Variants in MRPL42 observed in about 807,000 individuals in gnomAD.
The protein encoded by MRPL42 is mitochondrial ribosomal protein L42.
MRPL42 carries 17 observed loss-of-function variants against 17.9 expected under a neutral mutation model. The ratio of observed to expected loss-of-function variants is 0.95; its 90% CI spans 0.65 to 1.42. MRPL42 has a LOEUF of 1.42. MRPL42 is among the 40% of genes most tolerant of loss of function. MRPL42 has a pLI of 0.00. For missense variants in MRPL42, 177 were observed against 175.2 expected (o/e 1.01, Z -0.06); for synonymous variants, 59 against 54.4 (o/e 1.08, Z -0.37).
Position 93,479,467 on chromosome 12 carries a change from A to G in MRPL42, c.214A>G (p.Thr72Ala). ...TTCTGTGGACATTCCATATGAACAC[A>G]CAAAAGTATGTATGAGAAAATTTCT... ...HPSVDIPYEH[T>A]KPIPRPDPVH... The change falls in exon 4 of 6, where the codon ACA becomes GCA. Residue 72 changes from threonine to alanine, a missense_variant. Transcript: ENST00000549982. 6.2e-7 allele frequency: 1 copy of G among 1,604,786 alleles called. No homozygotes were observed. The highest frequency in any genetic ancestry group is 8.5e-7 in the Non-Finnish European group (1 of 1,174,060).
chr12:93,489,375 T>A (rs1384637588), intron 5 of MRPL42, among the ~76,000 whole-genome samples: 1 of 152,130 alleles, frequency 6.6e-6, no homozygotes, highest in African/African-American at 2.4e-5. Context: ...TTTCCTGTCT[T>A]AAGAAGCCCC....
chr12:93,484,508 A>G (rs1880611830), intron 4 of MRPL42, among the ~76,000 whole-genome samples: 3 of 150,816 alleles, frequency 2.0e-5, no homozygotes, highest in African/African-American at 7.3e-5. Flanking sequence ...GTTCTGCACC[A>G]TCACTAGGTG....
chr12:93,481,794 T>A (rs1288304706), intron 4 of MRPL42, among the ~76,000 whole-genome samples: 1 of 152,222 alleles, frequency 6.6e-6, no homozygotes, highest in Non-Finnish European at 1.5e-5. Context: ...CAGTCCCTCT[T>A]GGTCTCCCAG....
Position 93,477,006 on chromosome 12 carries a change from T to C in MRPL42, c.123T>C (p.Asp41=). ...CHKSTYSPLP[D]DYNCNVELAL... is the part of the protein sequence containing the mutation. ...AATCTACGTATTCTCCTCTACCAGA[T>C]GACTATAATTGGTATGTATTAAAAT... Residue 41 remains aspartate (D), a synonymous_variant, in exon 3 of 6, where the codon GAT becomes GAC. Coordinates refer to ENST00000549982, the MANE Select transcript of MRPL42 (RefSeq NM_014050.4). 2.5e-6 allele frequency: 4 copies of C among 1,594,252 alleles called. No individual in the cohort carries two copies. Among genetic ancestry groups the C allele is most frequent in the Non-Finnish European group, 3.4e-6 (4 of 1,165,268 alleles).
Position 93,511,387 on chromosome 12 carries a change from C to T in MRPL42, c.*10166C>T, listed in dbSNP as rs1413681520. On this transcript the variant is annotated 3_prime_UTR_variant, in exon 6 of 6. Coordinates refer to ENST00000549982, the MANE Select transcript of MRPL42 (RefSeq NM_014050.4). ...ATGCTTTTTAGACATCTTTAAGCAA[C>T]TTTAGATTGCTAAAACTAAAAAATG... 1.3e-5 allele frequency: 2 copies of T among 152,116 alleles called. No individual in the cohort carries two copies. The highest frequency in any genetic ancestry group is 2.9e-5 in the Non-Finnish European group (2 of 68,002). The allele number at this position is 152,116 out of a possible 1,614,324, so 9.4% of individuals were successfully genotyped here.
Position 93,505,501 on chromosome 12 carries a change from T to TC in MRPL42, c.*4284dup, listed in dbSNP as rs1953659768. On this transcript the variant is annotated 3_prime_UTR_variant, in exon 6 of 6. Transcript: ENST00000549982. ...GAATGCTTCTTCAGATTTTTTTTTT[T>TC]CCCCAGAAGTTCAAAATAACTTGCT... 1 of 142,846 alleles carries TC rather than the reference T, an allele frequency of 7.0e-6. No homozygotes were observed. The highest frequency in any genetic ancestry group is 2.6e-5 in the African/African-American group (1 of 38,768). 8.8% of individuals were successfully genotyped at this position (142,846 alleles called of 1,614,324 possible).
intron 5 of MRPL42, among the ~76,000 whole-genome samples, chr12:93,500,193 T>C (rs1012176706): frequency 2.0e-5 from 3 of 152,236 alleles, no homozygotes; most frequent in African/African-American, 7.2e-5. Flanking sequence ...ACTGTATATG[T>C]AAATTTTCTC....
chr12:93,487,542 G>C lies in MRPL42; in HGVS notation c.265G>C (p.Asp89His). Reference sequence around the variant, plus strand: ...TGTGCATAATAATGAAGAAACACATGATCAAGTGCTGAAAACCAGATTGGA... The same window carrying C: ...TGTGCATAATAATGAAGAAACACATCATCAAGTGCTGAAAACCAGATTGGA... ...DPVHNNEETHDQVLKTRLEEK... is the reference protein window; with the variant it reads ...DPVHNNEETHHQVLKTRLEEK... The change falls in exon 5 of 6, where the codon GAT becomes CAT. Residue 89 changes from aspartate to histidine, a missense_variant. Transcript: ENST00000549982. 1 of 1,613,862 alleles carries C rather than the reference G, an allele frequency of 6.2e-7. No individual in the cohort carries two copies. Among genetic ancestry groups the C allele is most frequent in the Non-Finnish European group, 8.5e-7 (1 of 1,179,838 alleles).
At position 93,488,520 on chromosome 12, in the gene MRPL42, A is replaced by G. The variant is rs368774341; in HGVS notation, c.383+860A>G. On this transcript the variant is annotated intron_variant, in intron 5 of 5. Coordinates refer to ENST00000549982, the MANE Select transcript of MRPL42 (RefSeq NM_014050.4). Reference sequence around the variant, plus strand: ...GAGTTCTTGAAAATTTTTACATTCTATGATGTATTCATTTAATATGTTGTT... The same window carrying G: ...GAGTTCTTGAAAATTTTTACATTCTGTGATGTATTCATTTAATATGTTGTT... The G allele has an allele frequency of 3.8e-3, 1,410 of 369,494 alleles. 10 individuals carry two copies. The highest frequency in any genetic ancestry group is 0.027 in the South Asian group (186 of 6,784). 22.9% of individuals were successfully genotyped at this position (369,494 alleles called of 1,614,324 possible). A position where few individuals can be genotyped will look rare whatever the true frequency, so the allele number is the denominator to read the frequency against.
chr12:93,474,947 T>C (rs1006928625), intron 2 of MRPL42, among the ~76,000 whole-genome samples: 5 of 151,952 alleles, frequency 3.3e-5, no homozygotes, highest in Non-Finnish European at 5.9e-5. Context: ...AATACAAAAA[T>C]TAGCCGGACA....
chr12:93,496,643 T>TAAAAAA (rs35375116), intron 5 of MRPL42, among the ~76,000 whole-genome samples: 4 of 70,712 alleles, frequency 5.7e-5, no homozygotes, highest in Non-Finnish European at 1.0e-4. Flanking sequence ...TCAGATTAGG[T>TAAAAAA]AAAAAAAAAA....
rs1322998975 is a variant in MRPL42 at position 93,508,260 on chromosome 12, T to A, written c.*7039T>A. 1.6e-5 allele frequency: 2 copies of A among 126,902 alleles called. No homozygotes were observed. The highest frequency in any genetic ancestry group is 6.0e-5 in the African/African-American group (2 of 33,254). 7.9% of individuals were successfully genotyped at this position (126,902 alleles called of 1,614,324 possible). A position where few individuals can be genotyped will look rare whatever the true frequency, so the allele number is the denominator to read the frequency against. The stretch of plus-strand genomic sequence containing the variant: ...ACGCCTGGTCTTCTACAAAAAAATT[T>A]TAAAAAATTAGCTGGGGGTGGGGAG... On this transcript the variant is annotated 3_prime_UTR_variant, in exon 6 of 6. Transcript: ENST00000549982.
intron 2 of MRPL42, among the ~76,000 whole-genome samples, chr12:93,474,867 G>A (rs1474600308): frequency 5.6e-5 from 2 of 35,948 alleles, no homozygotes; most frequent in African/African-American, 9.9e-5. Context: ...AAGGCGGGCT[G>A]GGCTGATCAC....
intron 5 of MRPL42, among the ~76,000 whole-genome samples, chr12:93,490,892 T>C (rs1953399424): frequency 6.6e-6 from 1 of 152,200 alleles, no homozygotes; most frequent in Non-Finnish European, 1.5e-5. Flanking sequence ...ATTTTTATTT[T>C]TATTTTTTAT....
intron 4 of MRPL42, among the ~76,000 whole-genome samples, chr12:93,483,192 G>A (rs1171645877): frequency 6.6e-6 from 1 of 152,152 alleles, no homozygotes; most frequent in Non-Finnish European, 1.5e-5. Flanking sequence ...CACCACACCT[G>A]GCCCCATTCT....
chr12:93,486,992 C>T (rs1880772241), intron 4 of MRPL42, among the ~76,000 whole-genome samples: 1 of 151,656 alleles, frequency 6.6e-6, no homozygotes, highest in Admixed American at 6.6e-5. Flanking sequence ...TTTTTTGAGA[C>T]AGGGTTTCAC....
chr12:93,467,555 G>A lies in MRPL42; in HGVS notation c.-95+1G>A, dbSNP rs1879683302. 6.6e-6 allele frequency: 1 copy of A among 152,606 alleles called. No homozygotes were observed. The highest frequency in any genetic ancestry group is 1.5e-5 in the Non-Finnish European group (1 of 68,084). 9.5% of individuals were successfully genotyped at this position (152,606 alleles called of 1,614,324 possible). ...GGGTTCGTGGTGAGAAGCCGTCAAG[G>A]TAACCGCTTCCCTCTACTCCTCCTG... On this transcript the variant is annotated splice_donor_variant, in intron 1 of 5. Transcript: ENST00000549982. LOFTEE classifies it low-confidence loss of function (5UTR_SPLICE).
chr12:93,482,103 C>T (rs1880494160), intron 4 of MRPL42, among the ~76,000 whole-genome samples: 1 of 152,180 alleles, frequency 6.6e-6, no homozygotes, highest in Non-Finnish European at 1.5e-5. Context: ...CCACTGCCAC[C>T]ATACTGACCA....
rs1296255120 is a variant in MRPL42 at position 93,513,934 on chromosome 12, T to G, written c.*12713T>G. 6.6e-6 allele frequency: 1 copy of G among 152,156 alleles called. No individual in the cohort carries two copies. The highest frequency in any genetic ancestry group is 2.4e-5 in the African/African-American group (1 of 41,368). The allele number at this position is 152,156 out of a possible 1,614,324, so 9.4% of individuals were successfully genotyped here. A position where few individuals can be genotyped will look rare whatever the true frequency, so the allele number is the denominator to read the frequency against. On this transcript the variant is annotated 3_prime_UTR_variant, in exon 6 of 6. Coordinates refer to ENST00000549982, the MANE Select transcript of MRPL42 (RefSeq NM_014050.4). ...GGTGTGATCTTGGCTCACTGCAACC[T>G]CCGTCTCCCAGGTTCAAGCAAGTCT... is the stretch of plus-strand genomic sequence containing the variant.
Sources: allele counts gnomAD v4.1 joint callset (sites outside exome capture counted in the v4.1 genomes callset), GRCh38; gene constraint gnomAD v4.1.1; transcripts MANE v1.5; gene names NCBI Gene and HGNC (gene_info 2026-07-23, HGNC 2026-07-21).